Variants in GALNT13 observed in about 807,000 individuals in gnomAD.
The protein encoded by GALNT13 is UDP-GalNAc:polypeptide N-acetylgalactosaminyltransferase 13.
GALNT13 carries 28 observed loss-of-function variants against 64.2 expected under a neutral mutation model. The observed-to-expected ratio is 0.44, with a 90% confidence interval of 0.32 to 0.60. The LOEUF (loss-of-function observed/expected upper bound fraction) is 0.60, where lower values mean the gene tolerates loss of function less well. GALNT13 is among the 20% of genes least tolerant of loss of function. GALNT13 has a pLI of 0.05. For missense variants in GALNT13, 577 were observed against 669.8 expected, an observed-to-expected ratio of 0.86 and a Z score of 1.53; for synonymous variants, 214 against 224.6, an observed-to-expected ratio of 0.95 and a Z score of 0.42.
chr2:153,705,270 C>T, the GALNT13 span, among the ~76,000 whole-genome samples: 108 of 151,872 alleles, frequency 7.1e-4, no homozygotes, highest in African/African-American at 2.5e-3. Flanking sequence ...CATTTTTTTC[C>T]TGTAAAATAA....
chr2:153,637,912 T>G, the GALNT13 span, among the ~76,000 whole-genome samples: 259 of 151,054 alleles, frequency 1.7e-3, 1 homozygote, highest in Middle Eastern at 0.01. Flanking sequence ...GTCAATAAAA[T>G]TTTGTACAGT....
At chr2:153,686,870 A>G in the GALNT13 span, among the ~76,000 whole-genome samples, 4 of 152,078 alleles carry the variant, frequency 2.6e-5, no homozygotes, top group Admixed American at 6.6e-5. Flanking sequence ...AATTTTATCA[A>G]AAGCTTTTTC....
the GALNT13 span, chr2:153,478,360 A>C: frequency 6.2e-7 from 1 of 1,614,166 alleles, no homozygotes; most frequent in Non-Finnish European, 8.5e-7. Flanking sequence ...GCCGAAGACC[A>C]CGGTGAGTGA....
chr2:153,104,140 C>A, the GALNT13 span, among the ~76,000 whole-genome samples: 19 of 152,218 alleles, frequency 1.2e-4, no homozygotes, highest in South Asian at 3.7e-3. Flanking sequence ...TAGGCTCTTA[C>A]AGTTTGAATC....
the GALNT13 span, among the ~76,000 whole-genome samples, chr2:153,562,034 C>G: frequency 9.3e-6 from 1 of 107,302 alleles, no homozygotes; most frequent in Non-Finnish European, 1.8e-5. Flanking sequence ...CCTCTCCTCT[C>G]TCTCTCTTTC....
the GALNT13 span, among the ~76,000 whole-genome samples, chr2:153,686,549 A>G: frequency 6.6e-6 from 1 of 151,960 alleles, no homozygotes; most frequent in Non-Finnish European, 1.5e-5. Flanking sequence ...GGCTCAGACT[A>G]TGGGTTTTTC....
At chr2:153,521,117 A>G in the GALNT13 span, among the ~76,000 whole-genome samples, 4 of 152,192 alleles carry the variant, frequency 2.6e-5, no homozygotes, top group Admixed American at 6.5e-5. Context: ...CATATAAAGT[A>G]TCCTTGTAAG....
chr2:153,672,198 A>C, the GALNT13 span, among the ~76,000 whole-genome samples: 1 of 152,162 alleles, frequency 6.6e-6, no homozygotes, highest in East Asian at 1.9e-4. Context: ...TGGACCAAGC[A>C]GACCTAATAG....
chr2:153,945,022 G>A (rs1019162215), intron 3 of GALNT13, among the ~76,000 whole-genome samples: 1 of 152,150 alleles, frequency 6.6e-6, no homozygotes, highest in Non-Finnish European at 1.5e-5. Context: ...AAGTGAGACA[G>A]GTGGCGATTT....
intron 8 of GALNT13, among the ~76,000 whole-genome samples, chr2:154,297,393 A>T (rs1400783248): frequency 6.6e-6 from 1 of 152,164 alleles, no homozygotes; most frequent in Non-Finnish European, 1.5e-5. Flanking sequence ...ACTGCCTCAC[A>T]TATGGCCTGT....
chr2:154,185,709 T>G (rs951611923), intron 4 of GALNT13, among the ~76,000 whole-genome samples: 2 of 151,980 alleles, frequency 1.3e-5, no homozygotes, highest in Non-Finnish European at 2.9e-5. Flanking sequence ...AATTTTTATC[T>G]CCTTGTTGAA....
At chr2:153,254,850 C>G in the GALNT13 span, among the ~76,000 whole-genome samples, 6 of 152,090 alleles carry the variant, frequency 3.9e-5, no homozygotes, top group African/African-American at 1.2e-4. Flanking sequence ...GTTATAATTT[C>G]TGTTCTTTTA....
At chr2:153,434,136 A>G in the GALNT13 span, among the ~76,000 whole-genome samples, 1 of 152,142 alleles carries the variant, frequency 6.6e-6, no homozygotes, top group Admixed American at 6.5e-5. Context: ...AGCTTCATCC[A>G]TGTCCCTACA....
At chr2:153,322,916 G>A in the GALNT13 span, among the ~76,000 whole-genome samples, 1 of 152,138 alleles carries the variant, frequency 6.6e-6, no homozygotes, top group Non-Finnish European at 1.5e-5. Flanking sequence ...CATCTGGGTT[G>A]GTTCCAAGTC....
the GALNT13 span, among the ~76,000 whole-genome samples, chr2:153,514,610 C>T: frequency 0.011 from 1,622 of 152,210 alleles, 34 homozygotes; most frequent in African/African-American, 0.036. Flanking sequence ...TCTTCTCCTC[C>T]GCACTCTCCA....
the GALNT13 span, among the ~76,000 whole-genome samples, chr2:153,542,339 C>T: frequency 9.8e-6 from 1 of 102,244 alleles, no homozygotes; most frequent in Non-Finnish European, 1.7e-5. Context: ...AACAAACAAA[C>T]AAACAAACAC....
At chr2:154,013,095 T>C (rs1696755918) in intron 3 of GALNT13, among the ~76,000 whole-genome samples, 1 of 148,944 alleles carries the variant, frequency 6.7e-6, no homozygotes, top group African/African-American at 2.5e-5. Context: ...GGGGATCTAG[T>C]ATGGGCATTT....
At chr2:154,381,688 T>C (rs1290394796) in intron 9 of GALNT13, among the ~76,000 whole-genome samples, 1 of 152,078 alleles carries the variant, frequency 6.6e-6, no homozygotes, top group East Asian at 1.9e-4. Flanking sequence ...GCTGTTCTGT[T>C]TCACCCAAGT....
At chr2:153,129,159 G>A in the GALNT13 span, among the ~76,000 whole-genome samples, 15 of 152,192 alleles carry the variant, frequency 9.9e-5, no homozygotes, top group South Asian at 1.0e-3. Context: ...TCAGCTTACC[G>A]GGGTACAGGC....
Sources: allele counts gnomAD v4.1 joint callset (sites outside exome capture counted in the v4.1 genomes callset), GRCh38; gene constraint gnomAD v4.1.1; transcripts MANE v1.5; gene names NCBI Gene and HGNC (gene_info 2026-07-23, HGNC 2026-07-21).